The following WWOX variants were observed in gnomAD, a reference collection of about 807,000 sequenced individuals.
WWOX encodes WW domain containing oxidoreductase, also known as WW domain-containing oxidoreductase.
Under a neutral mutation model 46.2 loss-of-function variants are expected in WWOX, and 69 were observed. The observed-to-expected ratio is 1.49, with a 90% CI of 1.23 to 1.82. The LOEUF is 1.82. Ranked by LOEUF, WWOX falls within the 40% of genes most tolerant of loss-of-function variation. WWOX has a pLI of 0.00. For missense variants in WWOX, 919 were observed against 542.6 expected (o/e 1.69, Z -6.89); for synonymous variants, 359 against 202.6 (o/e 1.77, Z -6.56).
At chr16:78,493,689 T>A (rs1200923708) in intron 8 of WWOX, among the ~76,000 whole-genome samples, 1 of 152,204 alleles carries the variant, frequency 6.6e-6, no homozygotes, top group African/African-American at 2.4e-5. Flanking sequence ...GCACTCCTTC[T>A]GAATACGTTA....
At chr16:78,114,773 G>A (rs554541107) in intron 3 of WWOX, among the ~76,000 whole-genome samples, 1 of 152,248 alleles carries the variant, frequency 6.6e-6, no homozygotes, top group African/African-American at 2.4e-5. Flanking sequence ...TGAAGGAAAG[G>A]ATTCGATGAC....
rs145786209 is a variant in WWOX at position 78,957,382 on chromosome 16, T to C, written c.1057-254226T>C. ...GAGCTGAATTGTTCTTTTCCCCCTG[T>C]CTCTCTTTAGTTGTAAAAACACCCA... On this transcript the variant is annotated intron_variant, in intron 8 of 8. Transcript: ENST00000566780. Among the ~76,000 whole-genome samples, 38 of 152,330 alleles carry C rather than the reference T, an allele frequency of 2.5e-4. No homozygotes were observed. In the East Asian group the frequency reaches 6.7e-3, roughly 27 times the overall value.
chr16:78,843,013 AG>A (rs1457293323), intron 8 of WWOX, among the ~76,000 whole-genome samples: 1 of 150,086 alleles, frequency 6.7e-6, no homozygotes, highest in Admixed American at 6.7e-5. Context: ...GTTTGTTAAC[AG>A]GGCTGGCTAT....
chr16:78,594,637 G>C (rs1274844683), intron 8 of WWOX, among the ~76,000 whole-genome samples: 1 of 152,082 alleles, frequency 6.6e-6, no homozygotes, highest in Non-Finnish European at 1.5e-5. Context: ...GATAGCCCCA[G>C]TGCAGTGGCT....
chr16:78,215,785 G>T (rs1022235540), intron 5 of WWOX, among the ~76,000 whole-genome samples: 1 of 152,024 alleles, frequency 6.6e-6, no homozygotes, highest in Non-Finnish European at 1.5e-5. Flanking sequence ...AAACAGCCGG[G>T]TATGGTGGTG....
chr16:78,560,694 A>G (rs1392535211), intron 8 of WWOX, among the ~76,000 whole-genome samples: 1 of 152,200 alleles, frequency 6.6e-6, no homozygotes, highest in African/African-American at 2.4e-5. Context: ...TTAGTGATAC[A>G]TATCATTTTG....
At chr16:78,566,439 A>G (rs942693962) in intron 8 of WWOX, among the ~76,000 whole-genome samples, 1 of 152,084 alleles carries the variant, frequency 6.6e-6, no homozygotes, top group African/African-American at 2.4e-5. Flanking sequence ...TCTGCCAAAA[A>G]CCAAGTTTTG....
intron 8 of WWOX, among the ~76,000 whole-genome samples, chr16:78,741,642 G>A (rs2049230876): frequency 6.6e-6 from 1 of 152,138 alleles, no homozygotes. Flanking sequence ...ATCACTTGAG[G>A]TCAGGAGTTC....
intron 8 of WWOX, among the ~76,000 whole-genome samples, chr16:78,677,975 T>TTA (rs1258675329): frequency 6.6e-6 from 1 of 152,238 alleles, no homozygotes; most frequent in Admixed American, 6.5e-5. Context: ...CCTTAGCCAC[T>TTA]GTTTAAAATA....
At chr16:78,561,065 C>T (rs1332193053) in intron 8 of WWOX, among the ~76,000 whole-genome samples, 1 of 152,170 alleles carries the variant, frequency 6.6e-6, no homozygotes, top group Non-Finnish European at 1.5e-5. Flanking sequence ...GAATCCACTG[C>T]CAAGCTCATT....
intron 8 of WWOX, among the ~76,000 whole-genome samples, chr16:78,832,506 C>T (rs1285408656): frequency 1.3e-5 from 2 of 152,152 alleles, no homozygotes; most frequent in Non-Finnish European, 2.9e-5. Context: ...AACTTGTGGG[C>T]ATATTCTAAG....
intron 8 of WWOX, among the ~76,000 whole-genome samples, chr16:79,130,777 T>C (rs752532392): frequency 3.3e-5 from 5 of 152,238 alleles, no homozygotes; most frequent in Non-Finnish European, 7.3e-5. Flanking sequence ...GTCTTCATCT[T>C]GTTGGGCTGT....
intron 8 of WWOX, among the ~76,000 whole-genome samples, chr16:79,063,596 T>G (rs1226627616): frequency 6.6e-6 from 1 of 152,184 alleles, no homozygotes; most frequent in Non-Finnish European, 1.5e-5. Flanking sequence ...GAAACAAGGT[T>G]GGGTCTACTT....
At chr16:79,095,954 A>AT (rs2049060868) in intron 8 of WWOX, among the ~76,000 whole-genome samples, 1 of 120,382 alleles carries the variant, frequency 8.3e-6, no homozygotes. Flanking sequence ...GGTTCAAGTG[A>AT]TTTTCCCACC....
chr16:78,842,931 G>A (rs1403591396), intron 8 of WWOX, among the ~76,000 whole-genome samples: 2 of 149,884 alleles, frequency 1.3e-5, no homozygotes, highest in African/African-American at 2.4e-5. Context: ...AAAGAAATAT[G>A]GAAAGAAATC....
Position 78,293,049 on chromosome 16 carries a change from A to G in WWOX, c.517-93811A>G, listed in dbSNP as rs565901030. On this transcript the variant is annotated intron_variant, in intron 5 of 8. Coordinates refer to ENST00000566780, the MANE Select transcript of WWOX (RefSeq NM_016373.4). ...GCATTCTTGGCCTGACCTGTCAACCACTTTAGCCTCCAAGGTATCTGAGCC... is the reference window on the plus strand; with the variant it reads ...GCATTCTTGGCCTGACCTGTCAACCGCTTTAGCCTCCAAGGTATCTGAGCC... Among the ~76,000 whole-genome samples, 25 of 152,242 alleles carry G rather than the reference A, an allele frequency of 1.6e-4. No individual in the cohort carries two copies. The South Asian group carries it at 3.1e-3, about 19-fold the overall frequency.
chr16:78,236,963 A>T (rs907657515), intron 5 of WWOX, among the ~76,000 whole-genome samples: 1 of 151,310 alleles, frequency 6.6e-6, no homozygotes, highest in South Asian at 2.1e-4. Context: ...AATCCCAGCT[A>T]CTCAGGAGGC....
intron 8 of WWOX, among the ~76,000 whole-genome samples, chr16:78,785,407 C>T (rs545075599): frequency 4.1e-4 from 62 of 152,318 alleles, no homozygotes; most frequent in African/African-American, 1.5e-3. Flanking sequence ...TCTCACTCTG[C>T]AACACACATC....
At position 78,412,732 on chromosome 16, in the gene WWOX, G is replaced by A. The variant is rs948120124; in HGVS notation, c.606-12138G>A. On this transcript the variant is annotated intron_variant, in intron 6 of 8. Coordinates refer to ENST00000566780, the MANE Select transcript of WWOX (RefSeq NM_016373.4). ...TTTATTGATTGAGAAGCCACTCCTC[G>A]CCAGGCAGTTTTGAGAGGTTCTGGA... Among the ~76,000 whole-genome samples, 4 of 152,224 alleles carry A rather than the reference G, an allele frequency of 2.6e-5. No individual in the cohort carries two copies. The East Asian group carries it at 7.7e-4, about 29-fold the overall frequency.
Sources: gnomAD v4.1 joint callset for allele counts (sites outside exome capture counted in the v4.1 genomes callset) on GRCh38, gnomAD v4.1.1 for gene constraint, MANE v1.5 for transcripts, NCBI Gene and HGNC (gene_info 2026-07-23, HGNC 2026-07-21) for gene names.